NPAS3: variants seen among roughly 807,000 people sequenced by gnomAD.
The protein encoded by NPAS3 is neuronal PAS domain protein 3.
A neutral mutation model predicts 73.1 loss-of-function variants in NPAS3; 14 were observed. The observed-to-expected ratio is 0.19, with a 90% CI of 0.13 to 0.30. The LOEUF is 0.30. Among genes scored for constraint, NPAS3 ranks in the 10% least tolerant of loss-of-function variants. The pLI is 1.00. For synonymous variants in NPAS3, 620 were observed against 541.5 expected, an observed-to-expected ratio of 1.14 and a Z score of -2.01; for missense variants, 1,096 against 1,250.0, an observed-to-expected ratio of 0.88 and a Z score of 1.86.
At chr14:32,937,311 T>C (rs1351407508), upstream of NPAS3, among the ~76,000 whole-genome samples, 1 of 152,176 alleles carries the variant, frequency 6.6e-6, no homozygotes, top group Non-Finnish European at 1.5e-5. Context: ...CAAAAAATTA[T>C]TTTTAAGTAC....
chr14:33,684,989 G>T (rs751189002), intron 6 of NPAS3, among the ~76,000 whole-genome samples: 4 of 152,210 alleles, frequency 2.6e-5, no homozygotes, highest in African/African-American at 7.2e-5. Flanking sequence ...ATTAGTAGAA[G>T]AATTAGCTTG....
At chr14:33,476,389 C>G (rs1390087883) in intron 4 of NPAS3, among the ~76,000 whole-genome samples, 1 of 152,194 alleles carries the variant, frequency 6.6e-6, no homozygotes, top group Admixed American at 6.5e-5. Context: ...GTCAATTTCA[C>G]TGATCTAGAT....
chr14:33,632,001 G>T (rs769198511), intron 5 of NPAS3, among the ~76,000 whole-genome samples: 1 of 152,114 alleles, frequency 6.6e-6, no homozygotes, highest in African/African-American at 2.4e-5. Context: ...TGAATCTGTC[G>T]AATATGATCT....
chr14:33,194,805 C>A (rs1272550328), intron 2 of NPAS3, among the ~76,000 whole-genome samples: 2 of 152,094 alleles, frequency 1.3e-5, no homozygotes, highest in East Asian at 3.9e-4. Flanking sequence ...TTTTCAATGG[C>A]TAAAATAGGG....
At chr14:33,235,645 C>T (rs1340603665) in intron 3 of NPAS3, among the ~76,000 whole-genome samples, 1 of 151,862 alleles carries the variant, frequency 6.6e-6, no homozygotes, top group Non-Finnish European at 1.5e-5. Context: ...AATATTTGAA[C>T]TGAAATATTT....
intron 2 of NPAS3, among the ~76,000 whole-genome samples, chr14:33,168,920 TGAA>T (rs1175870906): frequency 6.6e-6 from 1 of 152,214 alleles, no homozygotes; most frequent in African/African-American, 2.4e-5. Context: ...TGCTATGAGT[TGAA>T]GATACATTGT....
At chr14:33,077,793 C>A (rs2041715727) in intron 2 of NPAS3, among the ~76,000 whole-genome samples, 1 of 15,408 alleles carries the variant, frequency 6.5e-5, no homozygotes, top group Non-Finnish European at 2.7e-4. Flanking sequence ...TTTTTTTGCC[C>A]CTTTTGGCTT....
Position 33,793,888 on chromosome 14 carries a change from T to A in NPAS3, c.1154-9T>A. The stretch of plus-strand genomic sequence containing the variant: ...AATACAATGCCTCTGTTTTGTTTTT[T>A]TTCGCCAGTGCTGAATAAGGGTCAG... On this transcript the variant is annotated splice_polypyrimidine_tract_variant and intron_variant, in intron 9 of 11. Coordinates refer to ENST00000356141, the Ensembl canonical transcript of NPAS3. 1 of 1,606,578 alleles carries A rather than the reference T, an allele frequency of 6.2e-7. No homozygotes were observed. The highest frequency in any genetic ancestry group is 1.1e-5 in the South Asian group (1 of 89,014).
At chr14:33,447,070 A>G (rs28584653) in intron 4 of NPAS3, among the ~76,000 whole-genome samples, 1 of 152,148 alleles carries the variant, frequency 6.6e-6, no homozygotes, top group Non-Finnish European at 1.5e-5. Context: ...AGAAGCTCAC[A>G]ATCTGTGGAG....
intron 7 of NPAS3, among the ~76,000 whole-genome samples, chr14:33,751,701 C>A (rs1419564996): frequency 6.6e-6 from 1 of 152,174 alleles, no homozygotes; most frequent in African/African-American, 2.4e-5. Flanking sequence ...AATTATCTCT[C>A]ATTAGAAAAA....
chr14:33,247,975 C>A (rs901304609), intron 3 of NPAS3, among the ~76,000 whole-genome samples: 25 of 152,128 alleles, frequency 1.6e-4, no homozygotes, highest in African/African-American at 5.3e-4. Flanking sequence ...TCTATTTTCA[C>A]GGTATAGTTT....
chr14:33,668,091 T>C (rs2059506296), intron 5 of NPAS3, among the ~76,000 whole-genome samples: 1 of 152,208 alleles, frequency 6.6e-6, no homozygotes, highest in Non-Finnish European at 1.5e-5. Flanking sequence ...AGCATTGACA[T>C]GATGCTCCAA....
chr14:33,653,265 C>A (rs10150769), intron 5 of NPAS3, among the ~76,000 whole-genome samples: 84,068 of 152,034 alleles, frequency 0.55, 23,439 homozygotes, highest in African/African-American at 0.63. Context: ...AAAGCTGACT[C>A]TTGGGTTGTC....
intron 6 of NPAS3, among the ~76,000 whole-genome samples, chr14:33,679,540 G>GATAAAACACAGATTCTTTT (rs1172922032): frequency 6.6e-6 from 1 of 152,094 alleles, no homozygotes; most frequent in African/African-American, 2.4e-5. Context: ...CTTGAACTCT[G>GATAAAACACAGATTCTTTT]ATAAAACACA....
chr14:33,751,958 A>T (rs946481078), intron 7 of NPAS3, among the ~76,000 whole-genome samples: 5 of 152,168 alleles, frequency 3.3e-5, no homozygotes, highest in Non-Finnish European at 7.4e-5. Context: ...TGTGTTTTTT[A>T]AAAAAATCAA....
chr14:33,425,028 G>A (rs1246457284), intron 4 of NPAS3, among the ~76,000 whole-genome samples: 1 of 151,986 alleles, frequency 6.6e-6, no homozygotes, highest in Non-Finnish European at 1.5e-5. Context: ...GAAAACCAAG[G>A]GAGGATAATG....
chr14:32,956,147 TA>T (rs1289744267), intron 1 of NPAS3, among the ~76,000 whole-genome samples: 1 of 152,178 alleles, frequency 6.6e-6, no homozygotes, highest in African/African-American at 2.4e-5. Flanking sequence ...AGAATCATAT[TA>T]AAACCATTTT....
chr14:33,433,520 C>A (rs1263306949), intron 4 of NPAS3, among the ~76,000 whole-genome samples: 1 of 152,172 alleles, frequency 6.6e-6, no homozygotes, highest in Non-Finnish European at 1.5e-5. Flanking sequence ...TAGCACGTGA[C>A]CAGGTAACTT....
chr14:33,163,427 ATTG>A, intron 2 of NPAS3, among the ~76,000 whole-genome samples: 1 of 152,190 alleles, frequency 6.6e-6, no homozygotes, highest in Non-Finnish European at 1.5e-5. Flanking sequence ...ACAGTCGCAA[ATTG>A]AGTTGATATG....
Sources: gnomAD v4.1 joint callset for allele counts (sites outside exome capture counted in the v4.1 genomes callset) on GRCh38, gnomAD v4.1.1 for gene constraint, MANE v1.5 for transcripts, NCBI Gene and HGNC (gene_info 2026-07-23, HGNC 2026-07-21) for gene names.